Variants in ZMYM4 observed in about 807,000 individuals in gnomAD.
The protein encoded by ZMYM4 is zinc finger MYM-type containing 4.
Under a neutral mutation model 183.2 loss-of-function variants are expected in ZMYM4, and 31 were observed. The ratio of observed to expected loss-of-function variants is 0.17; its 90% CI spans 0.13 to 0.23. ZMYM4 has a LOEUF of 0.23. Ranked by LOEUF, ZMYM4 falls within the 10% of genes least tolerant of loss-of-function variation. The probability of loss-of-function intolerance (pLI) is 1.00; values close to 1 mark genes in which losing one functional copy is unlikely to be tolerated. For synonymous variants in ZMYM4, 592 were observed against 631.2 expected (o/e 0.94, Z 0.93); for missense variants, 1,273 against 1,840.3 (o/e 0.69, Z 5.64).
intron 5 of ZMYM4, among the ~76,000 whole-genome samples, chr1:35,368,748 G>A (rs903201059): frequency 1.7e-4 from 26 of 152,032 alleles, no homozygotes; most frequent in Admixed American, 1.5e-3. Flanking sequence ...GATATTCATC[G>A]TGGCATTACT....
chr1:35,343,334 G>A (rs1430145845), intron 2 of ZMYM4, among the ~76,000 whole-genome samples: 1 of 152,076 alleles, frequency 6.6e-6, no homozygotes, highest in Non-Finnish European at 1.5e-5. Context: ...TTAAGTTGAT[G>A]ATCCATTTCA....
Position 35,394,162 on chromosome 1 carries a change from C to CTTTTTTTTTTTTTTTTTTTT in ZMYM4, c.2911+434_2911+453dup, listed in dbSNP as rs34277367. ...CCTTTGAGGAGAGCTTCAGAGCTTT[C>CTTTTTTTTTTTTTTTTTTTT]TTTTTTTTTTTTTTTTTTTTTTTTT... On this transcript the variant is annotated intron_variant, in intron 18 of 29. Transcript: ENST00000314607. Among the ~76,000 whole-genome samples the CTTTTTTTTTTTTTTTTTTTT allele has an allele frequency of 1.2e-4, 8 of 68,430 alleles. 1 individual carries two copies. The highest frequency in any genetic ancestry group is 5.0e-4 in the East Asian group (1 of 1,982). The allele number at this position is 68,430 out of a possible 152,430, so 44.9% of individuals were successfully genotyped here. A position where few individuals can be genotyped will look rare whatever the true frequency, so the allele number is the denominator to read the frequency against.
Position 35,386,992 on chromosome 1 carries a change from T to G in ZMYM4, c.1837-11T>G. On this transcript the variant is annotated splice_polypyrimidine_tract_variant and intron_variant, in intron 11 of 29. Transcript: ENST00000314607. The stretch of plus-strand genomic sequence containing the variant: ...ATTAAATTGATACTTTTTGTTGTTT[T>G]GTTTTTCCAGAATTTATTCAACAAA... The G allele has an allele frequency of 1.2e-6, 2 of 1,610,114 alleles. No homozygotes were observed.
intron 24 of ZMYM4, 32 bp from the exon 25 acceptor site, chr1:35,405,341 A>T (rs1048904904): frequency 1.6e-5 from 25 of 1,582,886 alleles, no homozygotes; most frequent in Non-Finnish European, 1.6e-5. Flanking sequence ...TATTTTATTT[A>T]AACTTTTCTT....
chr1:35,304,793 C>T (rs1476118884), intron 1 of ZMYM4, among the ~76,000 whole-genome samples: 1 of 151,798 alleles, frequency 6.6e-6, no homozygotes, highest in Non-Finnish European at 1.5e-5. Flanking sequence ...TCTATCGATG[C>T]TCTTTTTTTA....
chr1:35,335,191 G>T (rs1234654893), intron 2 of ZMYM4, among the ~76,000 whole-genome samples: 1 of 148,852 alleles, frequency 6.7e-6, no homozygotes, highest in Admixed American at 6.7e-5. Flanking sequence ...GCTTTGTATT[G>T]TTTTTGAATC....
chr1:35,320,785 T>C (rs1401527403), intron 1 of ZMYM4, among the ~76,000 whole-genome samples: 3 of 152,202 alleles, frequency 2.0e-5, no homozygotes, highest in Non-Finnish European at 4.4e-5. Context: ...ACATATCTGG[T>C]CACTGAAATG....
chr1:35,390,448 T>TG (rs1448301778), intron 15 of ZMYM4, among the ~76,000 whole-genome samples: 1 of 147,048 alleles, frequency 6.8e-6, no homozygotes, highest in Non-Finnish European at 1.5e-5. Flanking sequence ...CGAGCAGGAG[T>TG]GGGGGTCACA....
intron 5 of ZMYM4, among the ~76,000 whole-genome samples, chr1:35,368,727 A>G (rs1644144611): frequency 6.6e-6 from 1 of 152,206 alleles, no homozygotes; most frequent in African/African-American, 2.4e-5. Context: ...GGGAGTATGA[A>G]TATTCACAGA....
At chr1:35,309,243 A>G (rs1307642370) in intron 1 of ZMYM4, among the ~76,000 whole-genome samples, 1 of 152,216 alleles carries the variant, frequency 6.6e-6, no homozygotes, top group Non-Finnish European at 1.5e-5. Context: ...ATTTAAATAA[A>G]CTTTATTCTT....
At chr1:35,348,780 A>G (rs1315995048) in intron 2 of ZMYM4, among the ~76,000 whole-genome samples, 1 of 152,198 alleles carries the variant, frequency 6.6e-6, no homozygotes, top group East Asian at 1.9e-4. Context: ...AATACTTGCC[A>G]TTGTAATTAT....
At chr1:35,400,519 A>G (rs976122631) in intron 23 of ZMYM4, among the ~76,000 whole-genome samples, 4 of 152,054 alleles carry the variant, frequency 2.6e-5, no homozygotes, top group South Asian at 2.1e-4. Flanking sequence ...CCCTATTTTT[A>G]TAGTATAGTA....
chr1:35,340,767 A>T (rs1297431214), intron 2 of ZMYM4, among the ~76,000 whole-genome samples: 1 of 152,130 alleles, frequency 6.6e-6, no homozygotes, highest in African/African-American at 2.4e-5. Flanking sequence ...TGCTTGTGGG[A>T]TGCTGACCTC....
At chr1:35,402,545 G>T (rs190148524) in intron 23 of ZMYM4, among the ~76,000 whole-genome samples, 1 of 152,010 alleles carries the variant, frequency 6.6e-6, no homozygotes, top group Non-Finnish European at 1.5e-5. Flanking sequence ...TGAGCCTAGG[G>T]GGGGTCGAGG....
intron 2 of ZMYM4, among the ~76,000 whole-genome samples, chr1:35,356,241 T>C (rs1173919545): frequency 6.6e-6 from 1 of 152,114 alleles, no homozygotes; most frequent in East Asian, 1.9e-4. Context: ...AATAAATAAG[T>C]AAATGTAGTG....
At chr1:35,374,068 G>A (rs1355210429) in intron 7 of ZMYM4, among the ~76,000 whole-genome samples, 1 of 61,162 alleles carries the variant, frequency 1.6e-5, no homozygotes, top group Non-Finnish European at 2.9e-5. Context: ...TTTTGCTCTT[G>A]TTGCCCAGGC....
At chr1:35,378,774 T>C (rs1644388323) in intron 7 of ZMYM4, among the ~76,000 whole-genome samples, 2 of 152,344 alleles carry the variant, frequency 1.3e-5, no homozygotes, top group South Asian at 2.1e-4. Context: ...TTCTTCTACA[T>C]TGAGAATCTT....
At chr1:35,352,141 A>G (rs1261616121) in intron 2 of ZMYM4, among the ~76,000 whole-genome samples, 1 of 152,204 alleles carries the variant, frequency 6.6e-6, no homozygotes, top group Non-Finnish European at 1.5e-5. Flanking sequence ...ACTTGCACCT[A>G]TAATTCCAGC....
At chr1:35,395,198 C>CTTTTTTTT (rs200080316) in intron 18 of ZMYM4, among the ~76,000 whole-genome samples, 1 of 132,786 alleles carries the variant, frequency 7.5e-6, no homozygotes, top group Non-Finnish European at 1.7e-5. Flanking sequence ...TGATTTAGTT[C>CTTTTTTTT]TTTTTTTTTT....
Sources: gnomAD v4.1 joint callset for allele counts (sites outside exome capture counted in the v4.1 genomes callset) on GRCh38, gnomAD v4.1.1 for gene constraint, MANE v1.5 for transcripts, NCBI Gene and HGNC (gene_info 2026-07-23, HGNC 2026-07-21) for gene names.